Variants in MMD observed in about 807,000 individuals in gnomAD.
The protein encoded by MMD is monocyte to macrophage differentiation factor.
In MMD, 22 loss-of-function variants were observed where a neutral mutation model predicts 33.6. That is an observed-to-expected ratio of 0.66 (90% CI 0.47 to 0.94). The LOEUF (loss-of-function observed/expected upper bound fraction) is 0.94. MMD is among the 40% of genes least tolerant of loss of function. The pLI is 0.00. For missense variants in MMD, 242 were observed against 309.8 expected (o/e 0.78, Z 1.64); for synonymous variants, 97 against 103.2 (o/e 0.94, Z 0.36).
intron 1 of MMD, 54 bp downstream of exon 1, chr17:55,421,616 T>C: frequency 6.3e-7 from 1 of 1,586,892 alleles, no homozygotes; most frequent in Non-Finnish European, 8.5e-7. Flanking sequence ...AACGGCGGGA[T>C]TTGGGAACCC....
intron 1 of MMD, among the ~76,000 whole-genome samples, chr17:55,419,377 C>A (rs1908089101): frequency 6.6e-6 from 1 of 152,150 alleles, no homozygotes; most frequent in Admixed American, 6.5e-5. Flanking sequence ...ATAAAATATG[C>A]CTCTGTGTTC....
chr17:55,420,649 C>T (rs1319812424), intron 1 of MMD: 2 of 152,164 alleles, frequency 1.3e-5, no homozygotes, highest in Non-Finnish European at 2.9e-5. Context: ...ACTCAACAAC[C>T]TTCTTGGAAG....
At chr17:55,398,534 ATATT>A (rs1383974851) in intron 6 of MMD, among the ~76,000 whole-genome samples, 5 of 151,142 alleles carry the variant, frequency 3.3e-5, no homozygotes, top group Non-Finnish European at 5.9e-5. Context: ...TATTTATTAT[ATATT>A]TATTATTTAT....
At chr17:55,420,893 C>G (rs555749473) in intron 1 of MMD, among the ~76,000 whole-genome samples, 4 of 152,226 alleles carry the variant, frequency 2.6e-5, no homozygotes, top group African/African-American at 9.6e-5. Context: ...CGGCGCCCCC[C>G]AGCCCGGCAT....
intron 1 of MMD, among the ~76,000 whole-genome samples, chr17:55,417,821 C>A (rs997338572): frequency 6.6e-6 from 1 of 152,106 alleles, no homozygotes; most frequent in African/African-American, 2.4e-5. Flanking sequence ...CAACAAAAAA[C>A]CCAGATCACA....
chr17:55,420,201 A>G (rs956588110), intron 1 of MMD: 2 of 152,258 alleles, frequency 1.3e-5, no homozygotes, highest in African/African-American at 4.8e-5. Context: ...TGAAAACAGG[A>G]AGAGCACAGA....
intron 6 of MMD, among the ~76,000 whole-genome samples, chr17:55,399,486 T>C (rs1907245443): frequency 6.6e-6 from 1 of 152,244 alleles, no homozygotes; most frequent in African/African-American, 2.4e-5. Context: ...TAACTCAAGC[T>C]GGTACATGTA....
intron 1 of MMD, among the ~76,000 whole-genome samples, chr17:55,419,508 G>A (rs2143166414): frequency 6.6e-6 from 1 of 152,324 alleles, no homozygotes; most frequent in African/African-American, 2.4e-5. Flanking sequence ...TCCCTTCAAA[G>A]ACAGTGTGTC....
At chr17:55,405,891 T>C (rs1771520358) in intron 4 of MMD, among the ~76,000 whole-genome samples, 1 of 152,232 alleles carries the variant, frequency 6.6e-6, no homozygotes. Flanking sequence ...GGATTATGTC[T>C]TGTAGAAGAA....
chr17:55,406,391 CT>C (rs1295071718), intron 4 of MMD, among the ~76,000 whole-genome samples: 7 of 152,058 alleles, frequency 4.6e-5, no homozygotes, highest in Non-Finnish European at 8.8e-5. Context: ...GAGACTCTGT[CT>C]CAAAAAACCA....
intron 6 of MMD, among the ~76,000 whole-genome samples, chr17:55,395,291 G>A (rs1255278896): frequency 6.6e-6 from 1 of 152,220 alleles, no homozygotes; most frequent in Non-Finnish European, 1.5e-5. Flanking sequence ...AATGAGGAGA[G>A]AGAATAGAGG....
intron 2 of MMD, among the ~76,000 whole-genome samples, chr17:55,411,972 C>T (rs1333795286): frequency 1.3e-5 from 2 of 152,046 alleles, no homozygotes; most frequent in African/African-American, 4.8e-5. Context: ...AGCTATTTGG[C>T]AGGCTGAGGT....
At chr17:55,396,604 G>T (rs12449617) in intron 6 of MMD, among the ~76,000 whole-genome samples, 58,351 of 151,528 alleles carry the variant, frequency 0.39, 11,626 homozygotes, top group South Asian at 0.44. Context: ...GTTGTTGTTG[G>T]TGGTGGTGGT....
intron 1 of MMD, among the ~76,000 whole-genome samples, chr17:55,415,775 T>C (rs1907946915): frequency 6.6e-6 from 1 of 152,234 alleles, no homozygotes. Context: ...ATTTAACTAG[T>C]GTACAAAATA....
At chr17:55,402,263 AGCCTGGAGCCTAGT>A (rs1907375991) in intron 5 of MMD, among the ~76,000 whole-genome samples, 1 of 152,174 alleles carries the variant, frequency 6.6e-6, no homozygotes, top group African/African-American at 2.4e-5. Context: ...ATGGAGATGC[AGCCTGGAGCCTAGT>A]TTATCAGCAA....
intron 6 of MMD, among the ~76,000 whole-genome samples, chr17:55,400,692 G>C (rs539155863): frequency 6.6e-6 from 1 of 152,224 alleles, no homozygotes; most frequent in East Asian, 1.9e-4. Flanking sequence ...ATAGTGCCTA[G>C]AGCCTAAGAT....
intron 1 of MMD, among the ~76,000 whole-genome samples, chr17:55,421,151 C>T (rs781490383): frequency 1.3e-5 from 2 of 152,234 alleles, no homozygotes; most frequent in African/African-American, 2.4e-5. Context: ...GTTGCTAGGG[C>T]CGTTCACAAA....
At chr17:55,406,970 G>T (rs1907573877) in intron 4 of MMD, among the ~76,000 whole-genome samples, 1 of 152,050 alleles carries the variant, frequency 6.6e-6, no homozygotes, top group Non-Finnish European at 1.5e-5. Context: ...GGCAGAGATT[G>T]TAGTGAGCTG....
rs1278707528 is a variant in MMD at position 55,414,153 on chromosome 17, C to A, written c.106G>T (p.Ala36Ser). Reference sequence around the variant, plus strand: ...AATGGTGGAAAACTTGTACTCACTGCGTGTGTGTAACAGTTAGCAGCATGT... The same window carrying A: ...AATGGTGGAAAACTTGTACTCACTGAGTGTGTGTAACAGTTAGCAGCATGT... ...YEHAANCYTHAFLIVPAIVGS... is the reference protein window; with the variant it reads ...YEHAANCYTHSFLIVPAIVGS... The change falls in exon 2 of 7, where the codon GCA becomes TCA. Residue 36 changes from alanine to serine, a missense_variant and splice_region_variant. Ala to Ser is a moderately conservative substitution (Grantham distance 99). Transcript: ENST00000262065. 2 of 1,613,490 alleles carry A rather than the reference C, an allele frequency of 1.2e-6. No homozygotes were observed. Among genetic ancestry groups the A allele is most frequent in the African/African-American group, 1.3e-5 (1 of 74,882 alleles).
Sources: allele counts gnomAD v4.1 joint callset (sites outside exome capture counted in the v4.1 genomes callset), GRCh38; gene constraint gnomAD v4.1.1; transcripts MANE v1.5; gene names NCBI Gene and HGNC (gene_info 2026-07-23, HGNC 2026-07-21).